The following LYPD6B variants were observed in gnomAD, a reference collection of about 807,000 sequenced individuals.
LYPD6B encodes the protein LY6/PLAUR domain containing 6B, also known as ly6/PLAUR domain-containing protein 6B.
LYPD6B carries 17 observed loss-of-function variants against 22.8 expected under a neutral mutation model. The observed-to-expected ratio is 0.75, with a 90% CI of 0.51 to 1.12. The LOEUF (loss-of-function observed/expected upper bound fraction) is 1.12. Ranked by LOEUF, LYPD6B falls within the 50% of genes most tolerant of loss-of-function variation. The probability of loss-of-function intolerance (pLI) is 0.00; values close to 1 mark genes in which losing one functional copy is unlikely to be tolerated. For synonymous variants in LYPD6B, 106 were observed against 91.6 expected (o/e 1.16, Z -0.90); for missense variants, 221 against 258.3 (o/e 0.86, Z 0.99).
At chr2:149,068,536 A>G (rs1180484927) in intron 1 of LYPD6B, 18 of 283,078 alleles carry the variant, frequency 6.4e-5, no homozygotes, top group Non-Finnish European at 6.7e-5. Flanking sequence ...TTTTATAAAT[A>G]AAAAATTACA....
chr2:149,198,240 C>G (rs1320871178), intron 3 of LYPD6B, among the ~76,000 whole-genome samples: 1 of 152,038 alleles, frequency 6.6e-6, no homozygotes, highest in Non-Finnish European at 1.5e-5. Context: ...GACAGGGTTT[C>G]ACCATGTTGG....
intron 3 of LYPD6B, among the ~76,000 whole-genome samples, chr2:149,182,599 T>G (rs1691819165): frequency 1.3e-5 from 2 of 152,190 alleles, no homozygotes; most frequent in Admixed American, 6.5e-5. Context: ...CAAGTGGAAC[T>G]CAGTCCTAGG....
chr2:149,155,415 A>G (rs993424291), intron 2 of LYPD6B, among the ~76,000 whole-genome samples: 12 of 152,340 alleles, frequency 7.9e-5, no homozygotes, highest in South Asian at 4.1e-4. Context: ...TGCGGCTGGA[A>G]TGTGCCCTGG....
At chr2:149,199,636 G>C (rs1693032075) in intron 3 of LYPD6B, among the ~76,000 whole-genome samples, 2 of 152,168 alleles carry the variant, frequency 1.3e-5, no homozygotes, top group Admixed American at 6.5e-5. Context: ...CAAGATGATG[G>C]GGTTGATTGT....
chr2:149,121,835 T>C (rs1687376006), intron 1 of LYPD6B, among the ~76,000 whole-genome samples: 1 of 152,008 alleles, frequency 6.6e-6, no homozygotes, highest in Non-Finnish European at 1.5e-5. Flanking sequence ...CCTCTCTCCC[T>C]CCAGTCTCAT....
chr2:149,196,672 A>C (rs996186645), intron 3 of LYPD6B, among the ~76,000 whole-genome samples: 1 of 152,240 alleles, frequency 6.6e-6, no homozygotes, highest in Non-Finnish European at 1.5e-5. Flanking sequence ...TCTGGCACAC[A>C]GTGCTTAAGC....
intron 1 of LYPD6B, among the ~76,000 whole-genome samples, chr2:149,079,930 C>CT (rs1267268076): frequency 6.6e-6 from 1 of 152,158 alleles, no homozygotes; most frequent in Non-Finnish European, 1.5e-5. Flanking sequence ...AACTGGGTGG[C>CT]TTTGTGATCT....
intron 1 of LYPD6B, among the ~76,000 whole-genome samples, chr2:149,044,164 A>C (rs972393230): frequency 6.6e-6 from 1 of 152,104 alleles, no homozygotes; most frequent in Admixed American, 6.5e-5. Flanking sequence ...TCTACAAAAA[A>C]ATCCTCCTAG....
chr2:149,122,727 A>T (rs1687454885), intron 1 of LYPD6B, among the ~76,000 whole-genome samples: 1 of 152,176 alleles, frequency 6.6e-6, no homozygotes, highest in Non-Finnish European at 1.5e-5. Context: ...ACCAGACAGC[A>T]TTCCACAGGG....
intron 4 of LYPD6B, among the ~76,000 whole-genome samples, chr2:149,207,491 G>A (rs911969178): frequency 6.6e-6 from 1 of 150,574 alleles, no homozygotes; most frequent in African/African-American, 2.4e-5. Flanking sequence ...TTTTCTTCTT[G>A]TCCGCTAAAA....
intron 3 of LYPD6B, among the ~76,000 whole-genome samples, chr2:149,184,685 G>C (rs1691974818): frequency 6.6e-6 from 1 of 152,168 alleles, no homozygotes; most frequent in Admixed American, 6.5e-5. Context: ...ACATCAGCTT[G>C]GTACTTTTCT....
rs149622290 is a variant in LYPD6B at position 149,206,897 on chromosome 2, C to T, written c.230-1417C>T. Reference sequence around the variant, plus strand: ...AAAAAATCATAAGGCTGGTCTGTAGCTTATTTCACTATTCCCCCACACTTT... The same window carrying T: ...AAAAAATCATAAGGCTGGTCTGTAGTTTATTTCACTATTCCCCCACACTTT... On this transcript the variant is annotated intron_variant, in intron 4 of 6. Coordinates refer to ENST00000409642, the MANE Select transcript of LYPD6B (RefSeq NM_177964.5). Among the ~76,000 whole-genome samples the T allele has an allele frequency of 2.6e-5, 4 of 152,172 alleles. No individual in the cohort carries two copies. The East Asian group carries it at 7.7e-4, about 29-fold the overall frequency.
rs2106198845 is a variant in LYPD6B at position 149,215,236 on chromosome 2, T to C, written c.*526T>C. On this transcript the variant is annotated 3_prime_UTR_variant, in exon 7 of 7. Coordinates refer to ENST00000409642, the MANE Select transcript of LYPD6B (RefSeq NM_177964.5). ...TCTATTTGCAAATTATGGGGGGAAA[T>C]AAAGCTTTTAAATTATACAATGTAA... is the stretch of plus-strand genomic sequence containing the variant. 1 of 155,320 alleles carries C rather than the reference T, an allele frequency of 6.4e-6. No individual in the cohort carries two copies. Among genetic ancestry groups the C allele is most frequent in the East Asian group, 1.9e-4 (1 of 5,328 alleles). The allele number at this position is 155,320 out of a possible 1,614,324, so 9.6% of individuals were successfully genotyped here. A position where few individuals can be genotyped will look rare whatever the true frequency, so the allele number is the denominator to read the frequency against.
chr2:149,120,361 G>GTGTGTATATATA (rs796413041), intron 1 of LYPD6B, among the ~76,000 whole-genome samples: 1 of 38,758 alleles, frequency 2.6e-5, no homozygotes, highest in African/African-American at 1.8e-4. Flanking sequence ...GTGTGTGTGT[G>GTGTGTATATATA]TATATATATA....
intron 4 of LYPD6B, chr2:149,206,008 T>A (rs1367523821): frequency 2.1e-6 from 1 of 468,904 alleles, no homozygotes; most frequent in Non-Finnish European, 4.4e-6. Context: ...TTAACCCTCC[T>A]TTCTTTTCAG....
At chr2:149,187,449 A>G in intron 3 of LYPD6B, 1 of 1,531,640 alleles carries the variant, frequency 6.5e-7, no homozygotes, top group Non-Finnish European at 8.8e-7. Flanking sequence ...TGTACAGAAG[A>G]AGATGAGAAT....
At chr2:149,062,558 C>T (rs1295013698) in intron 1 of LYPD6B, among the ~76,000 whole-genome samples, 1 of 152,030 alleles carries the variant, frequency 6.6e-6, no homozygotes, top group Non-Finnish European at 1.5e-5. Context: ...GAAAAGCTTA[C>T]GTTATAAAAT....
chr2:149,139,191 C>T (rs922414766), intron 2 of LYPD6B, among the ~76,000 whole-genome samples: 1 of 152,130 alleles, frequency 6.6e-6, no homozygotes, highest in African/African-American at 2.4e-5. Flanking sequence ...CTCCTGGAGC[C>T]CCTATGCTTT....
chr2:149,154,273 A>G (rs528721575), intron 2 of LYPD6B, among the ~76,000 whole-genome samples: 1 of 152,056 alleles, frequency 6.6e-6, no homozygotes, highest in South Asian at 2.1e-4. Flanking sequence ...CACAGACACA[A>G]GGGGAAGGGC....
Sources: allele counts gnomAD v4.1 joint callset (sites outside exome capture counted in the v4.1 genomes callset), GRCh38; gene constraint gnomAD v4.1.1; transcripts MANE v1.5; gene names NCBI Gene and HGNC (gene_info 2026-07-23, HGNC 2026-07-21).